The following RFX4 variants were observed in gnomAD, a reference collection of about 807,000 sequenced individuals.
The protein encoded by RFX4 is regulatory factor X4, also known as transcription factor RFX4.
A neutral mutation model predicts 95.0 loss-of-function variants in RFX4; 10 were observed. That is an observed-to-expected ratio of 0.11 (90% CI 0.06 to 0.18). The LOEUF is 0.18. RFX4 is among the 10% of genes least tolerant of loss of function. The pLI is 1.00. For synonymous variants in RFX4, 321 were observed against 340.7 expected (o/e 0.94, Z 0.64); for missense variants, 640 against 922.0 (o/e 0.69, Z 3.96).
intron 2 of RFX4, among the ~76,000 whole-genome samples, chr12:106,627,157 A>T (rs986242743): frequency 1.3e-5 from 2 of 152,172 alleles, no homozygotes; most frequent in African/African-American, 2.4e-5. Flanking sequence ...TCTATAGCAA[A>T]TGGTAGGGAA....
At chr12:106,754,226 A>G (rs2136100131) in intron 17 of RFX4, among the ~76,000 whole-genome samples, 1 of 152,336 alleles carries the variant, frequency 6.6e-6, no homozygotes, top group East Asian at 1.9e-4. Flanking sequence ...TAGGTCTCCA[A>G]CTGCGTCACA....
At chr12:106,600,120 C>G (rs1369641984) in intron 1 of RFX4, among the ~76,000 whole-genome samples, 1 of 152,156 alleles carries the variant, frequency 6.6e-6, no homozygotes, top group Non-Finnish European at 1.5e-5. Flanking sequence ...CCTATAGCAT[C>G]TCATAAAGTG....
At position 106,684,978 on chromosome 12, in the gene RFX4, A is replaced by G. The variant is rs2041611099; in HGVS notation, c.378-1906A>G. On this transcript the variant is annotated intron_variant, in intron 5 of 17. Transcript: ENST00000392842. ...TGCTCATCTCTTCCCTCCTCGCAAAAGCCCTTCCCATAATTCAAAATGCCT... is the reference window on the plus strand; with the variant it reads ...TGCTCATCTCTTCCCTCCTCGCAAAGGCCCTTCCCATAATTCAAAATGCCT... 1.3e-5 allele frequency: 20 copies of G among 1,597,140 alleles called. No homozygotes were observed. In the South Asian group the frequency reaches 2.0e-4, roughly 16 times the overall value.
intron 15 of RFX4, among the ~76,000 whole-genome samples, chr12:106,736,272 A>G (rs1217771657): frequency 6.6e-6 from 1 of 152,198 alleles, no homozygotes; most frequent in East Asian, 1.9e-4. Context: ...GCTCCCACAT[A>G]GCCCAGGGCA....
At chr12:106,757,450 A>G (rs763270760) in intron 17 of RFX4, among the ~76,000 whole-genome samples, 15 of 151,382 alleles carry the variant, frequency 9.9e-5, no homozygotes, top group Non-Finnish European at 2.1e-4. Context: ...TGAGAGGCTC[A>G]GGTGGGAGGA....
At chr12:106,715,865 A>C (rs542519555) in intron 11 of RFX4, among the ~76,000 whole-genome samples, 6 of 152,050 alleles carry the variant, frequency 3.9e-5, no homozygotes, top group Non-Finnish European at 8.8e-5. Context: ...ACAAAAGCTT[A>C]TTGCCTCTCT....
intron 2 of RFX4, among the ~76,000 whole-genome samples, chr12:106,632,291 T>A (rs1016810603): frequency 6.6e-6 from 1 of 152,160 alleles, no homozygotes; most frequent in South Asian, 2.1e-4. Flanking sequence ...AGGAGTTTTT[T>A]TTTTAAAGCA....
intron 1 of RFX4, among the ~76,000 whole-genome samples, chr12:106,584,205 C>G (rs2039419038): frequency 6.6e-6 from 1 of 152,116 alleles, no homozygotes; most frequent in Non-Finnish European, 1.5e-5. Context: ...CTCGGTTCTT[C>G]CTCCAGTAGT....
At chr12:106,679,467 A>C (rs888657592) in intron 4 of RFX4, among the ~76,000 whole-genome samples, 1 of 151,620 alleles carries the variant, frequency 6.6e-6, no homozygotes, top group African/African-American at 2.4e-5. Flanking sequence ...AAAAAAACAA[A>C]AAAAAAAACC....
rs556116618 is a variant in RFX4, at chr12:106,737,162, G to GT, written c.1633+4117dup. On this transcript the variant is annotated intron_variant, in intron 15 of 17. Coordinates refer to ENST00000392842, the MANE Select transcript of RFX4 (RefSeq NM_213594.3). The stretch of plus-strand genomic sequence containing the variant: ...TTTCCAGAATAGACTCGGAACTAAA[G>GT]TTTTTTTTTTTTTTTTTTTTTTTTT... Among the ~76,000 whole-genome samples the GT allele has an allele frequency of 4.9e-4, 27 of 54,926 alleles. 6 individuals are homozygous for GT. The highest frequency in any genetic ancestry group is 7.3e-4 in the Non-Finnish European group (21 of 28,652). 36.0% of individuals were successfully genotyped at this position (54,926 alleles called of 152,430 possible). A position where few individuals can be genotyped will look rare whatever the true frequency, so the allele number is the denominator to read the frequency against.
chr12:106,686,829 G>C (rs1162113419), intron 5 of RFX4, 55 bp from the exon 6 acceptor site: 3 of 1,507,100 alleles, frequency 2.0e-6, no homozygotes, highest in Non-Finnish European at 2.7e-6. Context: ...CAGTGCATGT[G>C]GGTCTCTCTC....
At chr12:106,640,234 A>G (rs955440456) in intron 3 of RFX4, among the ~76,000 whole-genome samples, 2 of 152,248 alleles carry the variant, frequency 1.3e-5, no homozygotes, top group Non-Finnish European at 2.9e-5. Flanking sequence ...ATTTGCCTGA[A>G]TAGCCACACA....
At chr12:106,745,464 A>T (rs1480795152) in intron 15 of RFX4, among the ~76,000 whole-genome samples, 2 of 152,238 alleles carry the variant, frequency 1.3e-5, no homozygotes, top group Non-Finnish European at 2.9e-5. Flanking sequence ...AAGCCAATGT[A>T]TTTAAAATAG....
chr12:106,591,068 A>T (rs2039533281), intron 1 of RFX4, among the ~76,000 whole-genome samples: 1 of 152,168 alleles, frequency 6.6e-6, no homozygotes, highest in Non-Finnish European at 1.5e-5. Context: ...GAGGGCCCAC[A>T]ACCCAGCTGG....
intron 8 of RFX4, among the ~76,000 whole-genome samples, chr12:106,700,752 C>T (rs2041973654): frequency 6.6e-6 from 1 of 152,160 alleles, no homozygotes; most frequent in Non-Finnish European, 1.5e-5. Context: ...TAATGTTATA[C>T]TGCTTCACAT....
At chr12:106,591,748 G>A (rs2039549787) in intron 1 of RFX4, among the ~76,000 whole-genome samples, 2 of 152,110 alleles carry the variant, frequency 1.3e-5, no homozygotes, top group African/African-American at 2.4e-5. Flanking sequence ...TCATGCAACA[G>A]GAAGAATAAT....
chr12:106,726,725 G>C (rs1046455080), intron 13 of RFX4, among the ~76,000 whole-genome samples: 2 of 152,060 alleles, frequency 1.3e-5, no homozygotes, highest in Non-Finnish European at 2.9e-5. Flanking sequence ...ACATAATCTC[G>C]ATTTCAAAAT....
At chr12:106,718,847 A>T (rs545866680) in intron 11 of RFX4, among the ~76,000 whole-genome samples, 5 of 152,106 alleles carry the variant, frequency 3.3e-5, no homozygotes, top group Admixed American at 6.5e-5. Context: ...GTGGTGGTGC[A>T]CGCCTGTAAT....
intron 6 of RFX4, among the ~76,000 whole-genome samples, chr12:106,687,805 C>T (rs1162881839): frequency 4.6e-5 from 7 of 152,154 alleles, no homozygotes; most frequent in Admixed American, 4.6e-4. Context: ...CATCTATCTT[C>T]TGTCTTTCTA....
Sources: gnomAD v4.1 joint callset for allele counts (sites outside exome capture counted in the v4.1 genomes callset) on GRCh38, gnomAD v4.1.1 for gene constraint, MANE v1.5 for transcripts, NCBI Gene and HGNC (gene_info 2026-07-23, HGNC 2026-07-21) for gene names.